ZNF836: variants seen among roughly 807,000 people sequenced by gnomAD.
ZNF836 encodes zinc finger protein 836.
A neutral mutation model predicts 7.4 loss-of-function variants in ZNF836; 12 were observed. The ratio of observed to expected loss-of-function variants is 1.61; its 90% CI spans 1.03 to 2.61. The LOEUF (loss-of-function observed/expected upper bound fraction) is 2.61. ZNF836 is among the 30% of genes most tolerant of loss of function. ZNF836 has a pLI of 0.00. For missense variants in ZNF836, 998 were observed against 1,126.2 expected, an observed-to-expected ratio of 0.89 and a Z score of 1.63; for synonymous variants, 365 against 382.6, an observed-to-expected ratio of 0.95 and a Z score of 0.54.
Position 52,156,427 on chromosome 19 carries a change from C to T in ZNF836, c.1256G>A (p.Cys419Tyr). The T allele has an allele frequency of 6.2e-7, 1 of 1,614,194 alleles. No individual in the cohort carries two copies. Among genetic ancestry groups the T allele is most frequent in the Non-Finnish European group, 8.5e-7 (1 of 1,180,034 alleles). ...GGAGCTCCGTTTAAAGGTTTTGCCA[C>T]ACTCATCACATTTGTAAGGTTTGTT... ...SGNKPYKCDECGKTFKRSSSL... is the reference protein window; with the variant it reads ...SGNKPYKCDEYGKTFKRSSSL... The change falls in exon 5 of 5, where the codon TGT becomes TAT. Residue 419 changes from cysteine (C) to tyrosine (Y), a missense_variant. By Grantham distance (194) the Cys-to-Tyr change is radical. Transcript: ENST00000682614.
chr19:52,166,869 G>A (rs559747619), intron 3 of ZNF836, among the ~76,000 whole-genome samples: 5 of 151,664 alleles, frequency 3.3e-5, no homozygotes, highest in African/African-American at 7.3e-5. Context: ...GTGAGCCACC[G>A]CGCCCGGCCT....
rs2089282868 is a variant in ZNF836 at position 52,168,282 on chromosome 19, T to G, written c.-80-130A>C. 1.8e-5 allele frequency: 10 copies of G among 569,646 alleles called. No homozygotes were observed. The South Asian group carries it at 2.5e-4, about 14-fold the overall frequency. The allele number at this position is 569,646 out of a possible 1,614,324, so 35.3% of individuals were successfully genotyped here. On this transcript the variant is annotated intron_variant, in intron 2 of 4. Coordinates refer to ENST00000682614, the MANE Select transcript of ZNF836 (RefSeq NM_001102657.3). ...CTGCACCAGGGGGATGCAAGGATAA[T>G]AAATTCCTAAACAAAGACCAAGTGT...
At chr19:52,167,107 G>A (rs1164876709) in intron 3 of ZNF836, among the ~76,000 whole-genome samples, 4 of 151,590 alleles carry the variant, frequency 2.6e-5, no homozygotes, top group Non-Finnish European at 5.9e-5. Context: ...CATGAACACC[G>A]CAGTCTCTGT....
At chr19:52,164,367 C>T (rs189526509) in intron 3 of ZNF836, among the ~76,000 whole-genome samples, 17 of 142,362 alleles carry the variant, frequency 1.2e-4, no homozygotes, top group Admixed American at 2.2e-4. Context: ...CACTCCAGCC[C>T]GGGCAACAGG....
At chr19:52,167,987 A>G (rs1480563330) in intron 3 of ZNF836, 71 bp downstream of exon 3, 2 of 1,189,596 alleles carry the variant, frequency 1.7e-6, no homozygotes, top group Non-Finnish European at 2.5e-6. Context: ...CTCAGAGGAG[A>G]TTCGCAACTC....
At chr19:52,158,888 T>C (rs995975693) in intron 4 of ZNF836, among the ~76,000 whole-genome samples, 1 of 152,178 alleles carries the variant, frequency 6.6e-6, no homozygotes, top group African/African-American at 2.4e-5. Context: ...GTAATATTAC[T>C]TGGAGGTGTG....
intron 4 of ZNF836, among the ~76,000 whole-genome samples, chr19:52,157,967 C>T (rs2089181713): frequency 6.6e-6 from 1 of 151,878 alleles, no homozygotes; most frequent in Admixed American, 6.6e-5. Flanking sequence ...CTAAAAGTAA[C>T]GTTTATACTA....
rs1338717741 is a variant in ZNF836 at position 52,155,314 on chromosome 19, T to C, written c.2369A>G (p.Gln790Arg). ...ACTCCGATGACGTGCTAGTGTTGAT[T>C]GATGACGAAAGACCTTGCCACATTC... ...CNECGKVFRHQSTLARHRSIH... is the reference protein window; with the variant it reads ...CNECGKVFRHRSTLARHRSIH... Residue 790 changes from glutamine (Q) to arginine (R), a missense_variant, in exon 5 of 5, where the codon CAA becomes CGA. Physicochemically the swap from Gln to Arg is conservative, Grantham distance 43 (BLOSUM62 1). Coordinates refer to ENST00000682614, the MANE Select transcript of ZNF836 (RefSeq NM_001102657.3). The C allele has an allele frequency of 3.7e-6, 6 of 1,613,968 alleles. No individual in the cohort carries two copies. Among genetic ancestry groups the C allele is most frequent in the Non-Finnish European group, 5.1e-6 (6 of 1,179,982 alleles).
At chr19:52,159,922 G>A (rs575607750) in intron 4 of ZNF836, among the ~76,000 whole-genome samples, 8 of 152,176 alleles carry the variant, frequency 5.3e-5, no homozygotes, top group East Asian at 1.9e-4. Context: ...GGTGACTCAC[G>A]CCTGTAATCC....
chr19:52,162,486 T>A (rs1456933470), intron 3 of ZNF836, among the ~76,000 whole-genome samples: 1 of 152,224 alleles, frequency 6.6e-6, no homozygotes, highest in African/African-American at 2.4e-5. Context: ...GTTTACAGTT[T>A]GTGTGTTGTA....
At position 52,162,974 on chromosome 19, in the gene ZNF836, G is replaced by A. The variant is rs141301171; in HGVS notation, c.16-2383C>T. ...TGCCCTCTGGAGTGGTGGCTGGTCC[G>A]CACCTGGCCCCACTTCAGTCATAGG... On this transcript the variant is annotated intron_variant, in intron 3 of 4. Transcript: ENST00000682614. 4.7e-3 allele frequency among the ~76,000 whole-genome samples: 720 copies of A among 152,216 alleles called. 2 individuals carry two copies. Among genetic ancestry groups the A allele is most frequent in the African/African-American group, 0.016 (679 of 41,520 alleles).
Position 52,160,291 on chromosome 19 carries a change from G to C in ZNF836, c.142+174C>G. 12 of 704,870 alleles carry C rather than the reference G, an allele frequency of 1.7e-5. No homozygotes were observed. The South Asian group carries it at 2.2e-4, about 13-fold the overall frequency. The allele number at this position is 704,870 out of a possible 1,614,324, so 43.7% of individuals were successfully genotyped here. A position where few individuals can be genotyped will look rare whatever the true frequency, so the allele number is the denominator to read the frequency against. On this transcript the variant is annotated intron_variant, in intron 4 of 4. Coordinates refer to ENST00000682614, the MANE Select transcript of ZNF836 (RefSeq NM_001102657.3). Reference sequence around the variant, plus strand: ...AGGGAAGACATTCAAAAAGGGGATAGTGTGATGATATGGGAAATGAAAGGC... The same window carrying C: ...AGGGAAGACATTCAAAAAGGGGATACTGTGATGATATGGGAAATGAAAGGC...
In ZNF836 at chr19:52,157,014, A is replaced by G; in HGVS notation, c.669T>C (p.Cys223=). The G allele has an allele frequency of 6.2e-7, 1 of 1,614,176 alleles. No homozygotes were observed. Among genetic ancestry groups the G allele is most frequent in the Non-Finnish European group, 8.5e-7 (1 of 1,180,020 alleles). Residue 223 remains cysteine (C), a synonymous_variant, in exon 5 of 5, where the codon TGT becomes TGC. Coordinates refer to ENST00000682614, the MANE Select transcript of ZNF836 (RefSeq NM_001102657.3). ...TTGAAGACACTCTAAAGGCTTTGCC[A>G]CACCCTTTACACATATAAGGTTTTT... ...IREKPYMCKG[C]GKAFRVSSSL... is the part of the protein sequence containing the mutation.
chr19:52,160,781 C>A, intron 3 of ZNF836, 190 bp from the exon 4 acceptor site: 5 of 615,794 alleles, frequency 8.1e-6, no homozygotes, highest in Non-Finnish European at 1.1e-5. Flanking sequence ...TATGATATCC[C>A]GTAAATCAGT....
intron 4 of ZNF836, 64 bp from the exon 5 acceptor site, chr19:52,157,604 T>C (rs539774940): frequency 1.9e-4 from 267 of 1,407,660 alleles, no homozygotes; most frequent in Non-Finnish European, 2.4e-4. Context: ...AGAGTCTTGC[T>C]CTGTTGCCCA....
chr19:52,171,006 A>T (rs905980409), intron 1 of ZNF836, among the ~76,000 whole-genome samples: 3 of 152,074 alleles, frequency 2.0e-5, no homozygotes, highest in Non-Finnish European at 2.9e-5. Flanking sequence ...AGGAGGACAC[A>T]AGGTGGCAGG....
chr19:52,168,006 C>T (rs777229539), intron 3 of ZNF836, 52 bp downstream of exon 3: 53 of 1,390,582 alleles, frequency 3.8e-5, no homozygotes, highest in Non-Finnish European at 4.9e-5. Flanking sequence ...TCCAATGTGT[C>T]GCATTTCAAA....
At position 52,156,341 on chromosome 19, in the gene ZNF836, C is replaced by T. The variant is rs777295643; in HGVS notation, c.1342G>A (p.Asp448Asn). 1.1e-5 allele frequency: 18 copies of T among 1,614,126 alleles called. 1 individual carries two copies. The South Asian group carries it at 1.4e-4, about 13-fold the overall frequency. The change falls in exon 5 of 5, where the codon GAC becomes AAC. Residue 448 changes from aspartate (D) to asparagine (N), a missense_variant. By Grantham distance (23) the Asp-to-Asn change is conservative. Coordinates refer to ENST00000682614, the MANE Select transcript of ZNF836 (RefSeq NM_001102657.3). The part of the protein sequence containing the change: ...GEKPYTCDVC[D>N]KVFSQRSQLA... ...TGTGAACGTTGACTGAAGACCTTGT[C>T]GCATACATCACATGTATATGGTTTC...
intron 3 of ZNF836, among the ~76,000 whole-genome samples, chr19:52,165,968 A>G (rs949200357): frequency 6.6e-6 from 1 of 152,104 alleles, no homozygotes; most frequent in African/African-American, 2.4e-5. Flanking sequence ...TTCAGAATAT[A>G]TATGCCTTAA....
Sources: allele counts gnomAD v4.1 joint callset (sites outside exome capture counted in the v4.1 genomes callset), GRCh38; gene constraint gnomAD v4.1.1; transcripts MANE v1.5; gene names NCBI Gene and HGNC (gene_info 2026-07-23, HGNC 2026-07-21).